Variants in LAIR2 observed in about 807,000 individuals in gnomAD.
LAIR2 encodes leukocyte-associated immunoglobulin-like receptor 2.
In LAIR2, 14 loss-of-function variants were observed where a neutral mutation model predicts 14.8. The observed-to-expected ratio is 0.95, with a 90% CI of 0.62 to 1.48. LAIR2 has a LOEUF of 1.48. LAIR2 is among the 40% of genes most tolerant of loss of function. The probability of loss-of-function intolerance (pLI) is 0.00; values close to 1 mark genes in which losing one functional copy is unlikely to be tolerated. For synonymous variants in LAIR2, 75 were observed against 74.5 expected, an observed-to-expected ratio of 1.01 and a Z score of -0.03; for missense variants, 172 against 180.9, an observed-to-expected ratio of 0.95 and a Z score of 0.28.
chr19:54,506,994 CA>C (rs1197931527), intron 2 of LAIR2, among the ~76,000 whole-genome samples: 50 of 152,014 alleles, frequency 3.3e-4, no homozygotes, highest in African/African-American at 1.2e-3. Context: ...AGCGATTCCA[CA>C]GTGTATACCT....
chr19:54,509,188 G>A (rs1378529722), intron 4 of LAIR2, 103 bp downstream of exon 4: 1 of 502,596 alleles, frequency 2.0e-6, no homozygotes. Context: ...TCAAGGTCTA[G>A]GGAGGCCACG....
At position 54,507,899 on chromosome 19, in the gene LAIR2, C is replaced by G. The variant is rs1326073475; in HGVS notation, c.79C>G (p.Pro27Ala). The G allele has an allele frequency of 6.2e-7, 1 of 1,613,832 alleles. No homozygotes were observed. Among genetic ancestry groups the G allele is most frequent in the East Asian group, 2.2e-5 (1 of 44,868 alleles). Residue 27 changes from proline (P) to alanine (A), a missense_variant, in exon 3 of 5, where the codon CCC becomes GCC. Pro to Ala is a conservative substitution (Grantham distance 27). Coordinates refer to ENST00000301202, the MANE Select transcript of LAIR2 (RefSeq NM_002288.6). ...QTIHTQEGAL[P>A]RPSISAEPGT... ...CTTTGCTTCCCTCTTAGGGGCCCTT[C>G]CCAGACCCTCCATCTCGGCTGAGCC...
At chr19:54,507,294 G>T in intron 2 of LAIR2, among the ~76,000 whole-genome samples, 1 of 150,484 alleles carries the variant, frequency 6.6e-6, no homozygotes, top group African/African-American at 2.4e-5. Context: ...ACCCAGAGGT[G>T]GTGTCTCCAC....
chr19:54,507,639 C>T (rs2085388684), intron 2 of LAIR2, among the ~76,000 whole-genome samples: 2 of 152,216 alleles, frequency 1.3e-5, no homozygotes, highest in South Asian at 4.1e-4. Context: ...CCCACGTGAC[C>T]CTGAGCAAGG....
At chr19:54,510,296 A>C (rs146710477) in intron 4 of LAIR2, among the ~76,000 whole-genome samples, 10 of 150,136 alleles carry the variant, frequency 6.7e-5, no homozygotes, top group African/African-American at 2.5e-4. Flanking sequence ...TCATGGTTCA[A>C]ATCCCGGTGG....
At position 54,510,519 on chromosome 19, in the gene LAIR2, C is replaced by T. The variant is rs1444673381; in HGVS notation, c.416-7C>T. ...ATTAATACTGAGGAAGTATTTTGTCCTCACAGGGACTGTGCCAGGCACTGA... is the reference window on the plus strand; with the variant it reads ...ATTAATACTGAGGAAGTATTTTGTCTTCACAGGGACTGTGCCAGGCACTGA... On this transcript the variant is annotated splice_polypyrimidine_tract_variant and splice_region_variant and intron_variant, in intron 4 of 4. Coordinates refer to ENST00000301202, the MANE Select transcript of LAIR2 (RefSeq NM_002288.6). 5 of 1,611,372 alleles carry T rather than the reference C, an allele frequency of 3.1e-6. No homozygotes were observed. Among genetic ancestry groups the T allele is most frequent in the South Asian group, 2.2e-5 (2 of 90,970 alleles).
At chr19:54,503,345 C>T (rs1057286456) in intron 1 of LAIR2, among the ~76,000 whole-genome samples, 11 of 152,066 alleles carry the variant, frequency 7.2e-5, no homozygotes, top group Non-Finnish European at 1.0e-4. Context: ...GTAATCCCAG[C>T]TACTCGGGAG....
intron 2 of LAIR2, 80 bp downstream of exon 2, chr19:54,503,815 T>G: frequency 6.3e-7 from 1 of 1,583,742 alleles, no homozygotes; most frequent in South Asian, 1.1e-5. Flanking sequence ...ATGTTGATTC[T>G]TAGAGGGCCT....
chr19:54,504,531 T>C (rs767638545), intron 2 of LAIR2, among the ~76,000 whole-genome samples: 2 of 152,152 alleles, frequency 1.3e-5, no homozygotes, highest in Non-Finnish European at 2.9e-5. Context: ...TACCATTTGA[T>C]CAGTGTCTCT....
intron 2 of LAIR2, among the ~76,000 whole-genome samples, chr19:54,504,282 C>A (rs569754954): frequency 6.6e-6 from 1 of 151,910 alleles, no homozygotes; most frequent in Non-Finnish European, 1.5e-5. Flanking sequence ...TATTTTTAAT[C>A]GACAAATAAT....
chr19:54,509,795 G>C lies in LAIR2; in HGVS notation c.415+710G>C, dbSNP rs575406570. 4.0e-5 allele frequency among the ~76,000 whole-genome samples: 6 copies of C among 151,838 alleles called. No individual in the cohort carries two copies. In the East Asian group the frequency reaches 1.2e-3, roughly 29 times the overall value. Reference sequence around the variant, plus strand: ...CTGGCTCTGCCCCTGGACTCTGTGTGATGGGAGTGAAGCTGCCCCAAGTCC... The same window carrying C: ...CTGGCTCTGCCCCTGGACTCTGTGTCATGGGAGTGAAGCTGCCCCAAGTCC... On this transcript the variant is annotated intron_variant, in intron 4 of 4. Transcript: ENST00000301202.
intron 1 of LAIR2, 68 bp downstream of exon 1, chr19:54,503,020 G>A: frequency 1.4e-6 from 2 of 1,446,782 alleles, no homozygotes; most frequent in Non-Finnish European, 1.9e-6. Flanking sequence ...CCCTGCTCAA[G>A]CCTGACTCTA....
chr19:54,507,813 T>C (rs1568448693), intron 2 of LAIR2, 78 bp from the exon 3 acceptor site: 2 of 1,399,072 alleles, frequency 1.4e-6, no homozygotes, highest in East Asian at 2.3e-5. Flanking sequence ...AATCCCTGAA[T>C]TGTGATCCTA....
intron 2 of LAIR2, among the ~76,000 whole-genome samples, chr19:54,506,807 T>C (rs1162131353): frequency 6.6e-6 from 1 of 152,162 alleles, no homozygotes; most frequent in Non-Finnish European, 1.5e-5. Context: ...GAGATGCTGG[T>C]CAAAGGATAG....
chr19:54,504,026 C>T (rs544743607), intron 2 of LAIR2, among the ~76,000 whole-genome samples: 6 of 152,168 alleles, frequency 3.9e-5, no homozygotes, highest in Non-Finnish European at 7.4e-5. Context: ...GGCATAATCT[C>T]GGCTCACTGC....
intron 2 of LAIR2, among the ~76,000 whole-genome samples, chr19:54,505,149 G>T (rs1229054271): frequency 6.6e-6 from 1 of 152,072 alleles, no homozygotes; most frequent in Non-Finnish European, 1.5e-5. Context: ...TAGCGCTGCG[G>T]TCACCCTGGG....
chr19:54,508,083 T>A lies in LAIR2; in HGVS notation c.263T>A (p.Ile88Asn), dbSNP rs764808955. ...GPSESEARFH[I>N]DSVSEGNAGL... ...TCTGAGTCAGAGGCCAGATTCCACA[T>A]TGACTCAGTAAGTGAAGGAAATGCC... The change falls in exon 3 of 5, where the codon ATT becomes AAT. Residue 88 changes from isoleucine (I) to asparagine (N), a missense_variant. Ile to Asn is a moderately radical substitution (Grantham distance 149). This residue lies in a region of LAIR2 where 161 missense variants were observed against 149.0 expected (regional missense o/e 1.08). Coordinates refer to ENST00000301202, the MANE Select transcript of LAIR2 (RefSeq NM_002288.6). 2.5e-6 allele frequency: 4 copies of A among 1,614,184 alleles called. No individual in the cohort carries two copies. The highest frequency in any genetic ancestry group is 1.7e-6 in the Non-Finnish European group (2 of 1,179,990).
At chr19:54,505,319 C>T (rs1341817433) in intron 2 of LAIR2, among the ~76,000 whole-genome samples, 2 of 152,162 alleles carry the variant, frequency 1.3e-5, no homozygotes, top group African/African-American at 2.4e-5. Context: ...TCTGAACACT[C>T]ATCCTCTTCT....
intron 2 of LAIR2, 39 bp from the exon 3 acceptor site, chr19:54,507,852 T>TA: frequency 6.3e-7 from 1 of 1,585,432 alleles, no homozygotes; most frequent in Non-Finnish European, 8.6e-7. Flanking sequence ...GGTGACTTCC[T>TA]ACAGTGGACG....
Sources: gnomAD v4.1 joint callset for allele counts (sites outside exome capture counted in the v4.1 genomes callset) on GRCh38, gnomAD v4.1.1 for gene constraint, gnomAD v4.1.1 regional missense constraint, MANE v1.5 for transcripts, NCBI Gene and HGNC (gene_info 2026-07-23, HGNC 2026-07-21) for gene names.